FANCB: variants seen among roughly 807,000 people sequenced by gnomAD.
FANCB encodes the protein FA complementation group B, also known as Fanconi anemia group B protein.
FANCB carries 5 observed loss-of-function variants against 38.9 expected under a neutral mutation model. The observed-to-expected ratio is 0.13, with a 90% CI of 0.07 to 0.27. The LOEUF is 0.27. Among genes scored for constraint, FANCB ranks in the 10% least tolerant of loss-of-function variants. The pLI is 1.00. For missense variants in FANCB, 573 were observed against 602.7 expected (o/e 0.95, Z 0.52); for synonymous variants, 236 against 215.4 (o/e 1.10, Z -0.84).
chrX:14,713,808 A>G, the FANCB span, among the ~76,000 whole-genome samples: 1 of 111,350 alleles, frequency 9.0e-6, no homozygotes, highest in South Asian at 3.8e-4. Context: ...TGAGAGGTAA[A>G]GGGGATGTTA....
chrX:14,697,489 T>C, the FANCB span, among the ~76,000 whole-genome samples: 11 of 111,941 alleles, frequency 9.8e-5, no homozygotes, highest in East Asian at 1.7e-3. Flanking sequence ...TAATCACTAC[T>C]ATCCAGGCAT....
chrX:14,831,831 G>A (rs1352559444), downstream of FANCB, among the ~76,000 whole-genome samples: 1 of 111,669 alleles, frequency 9.0e-6, no homozygotes, highest in East Asian at 2.8e-4. Flanking sequence ...GTAAAAACAA[G>A]GAGACAAGTT....
chrX:14,762,413 T>C, the FANCB span, among the ~76,000 whole-genome samples: 1 of 110,887 alleles, frequency 9.0e-6, no homozygotes, highest in African/African-American at 3.3e-5. Context: ...TCCCACAGTG[T>C]TGAGATTACA....
At chrX:14,692,690 C>G in the FANCB span, among the ~76,000 whole-genome samples, 1 of 111,506 alleles carries the variant, frequency 9.0e-6, no homozygotes, top group Non-Finnish European at 1.9e-5. Flanking sequence ...TTAAGAAACA[C>G]TATCCTGGCT....
chrX:14,828,516 A>G, the FANCB span, among the ~76,000 whole-genome samples: 1 of 111,823 alleles, frequency 8.9e-6, no homozygotes, highest in African/African-American at 3.3e-5. Context: ...TTGCTTATCC[A>G]TAAGAAACAA....
At chrX:14,856,789 G>A (rs1346736604) in intron 5 of FANCB, among the ~76,000 whole-genome samples, 4 of 111,577 alleles carry the variant, frequency 3.6e-5, no homozygotes, top group Admixed American at 2.9e-4. Context: ...TTAAAAGGGG[G>A]AAGGGGGAAT....
the FANCB span, among the ~76,000 whole-genome samples, chrX:14,817,783 T>C: frequency 0.058 from 6,421 of 111,508 alleles, 397 homozygotes; most frequent in African/African-American, 0.18. Context: ...TTGTAAAATA[T>C]GTGATTTGCA....
At chrX:14,691,324 T>TGTGTGC in the FANCB span, among the ~76,000 whole-genome samples, 10 of 64,345 alleles carry the variant, frequency 1.6e-4, no homozygotes, top group South Asian at 7.3e-4. Context: ...TGTGTGTGTG[T>TGTGTGC]GCGCGCGTGC....
the FANCB span, among the ~76,000 whole-genome samples, chrX:14,786,882 A>T: frequency 8.9e-6 from 1 of 111,827 alleles, no homozygotes; most frequent in Non-Finnish European, 1.9e-5. Flanking sequence ...CTATAATCCA[A>T]TAATAATATA....
the FANCB span, among the ~76,000 whole-genome samples, chrX:14,792,263 T>A: frequency 6.3e-5 from 7 of 111,500 alleles, no homozygotes; most frequent in African/African-American, 1.6e-4. Context: ...AAGAGATATG[T>A]GCACAAATTA....
At chrX:14,812,740 G>C in the FANCB span, among the ~76,000 whole-genome samples, 2 of 110,021 alleles carry the variant, frequency 1.8e-5, no homozygotes, top group Non-Finnish European at 3.8e-5. Context: ...AGAGGTACAA[G>C]GAGGAACTGG....
Position 14,850,684 on chromosome X carries a change from A to AG in FANCB, c.1327-11_1327-10insC, listed in dbSNP as rs1312589379. 6.3e-6 allele frequency: 7 copies of AG among 1,106,637 alleles called. No individual in the cohort carries two copies. The highest frequency in any genetic ancestry group is 3.8e-5 in the South Asian group (2 of 52,484). The allele number at this position is 1,106,637 out of a possible 1,213,427, so 91.2% of individuals were successfully genotyped here. ...GAACAAGACATTCCTTCTAAAAAAA[A>AG]AAGTTTAAATAACTGATTATAAAAT... On this transcript the variant is annotated splice_polypyrimidine_tract_variant and intron_variant, in intron 6 of 9. Coordinates refer to ENST00000650831, the MANE Select transcript of FANCB (RefSeq NM_001018113.3).
the FANCB span, among the ~76,000 whole-genome samples, chrX:14,727,868 C>T: frequency 9.0e-6 from 1 of 111,482 alleles, no homozygotes; most frequent in African/African-American, 3.3e-5. Flanking sequence ...CTGAAAGTTC[C>T]ATGCAGATAG....
At chrX:14,727,163 T>TA in the FANCB span, among the ~76,000 whole-genome samples, 5 of 111,000 alleles carry the variant, frequency 4.5e-5, no homozygotes, top group East Asian at 2.8e-4. Context: ...ACTGGATCTT[T>TA]AAAAAAAATA....
At chrX:14,833,617 T>C (rs1280814689), downstream of FANCB, among the ~76,000 whole-genome samples, 1 of 110,092 alleles carries the variant, frequency 9.1e-6, no homozygotes, top group Non-Finnish European at 1.9e-5. Context: ...AAGCTGATTG[T>C]ACAGCAGTGG....
the FANCB span, among the ~76,000 whole-genome samples, chrX:14,794,007 G>T: frequency 9.0e-6 from 1 of 111,564 alleles, no homozygotes; most frequent in Non-Finnish European, 1.9e-5. Flanking sequence ...TGCTAAATTT[G>T]CTCTTATTTG....
At chrX:14,819,612 T>C in the FANCB span, among the ~76,000 whole-genome samples, 1 of 111,707 alleles carries the variant, frequency 9.0e-6, no homozygotes, top group East Asian at 2.8e-4. Flanking sequence ...TGTTTGTTTA[T>C]TCTCTATTCT....
the FANCB span, among the ~76,000 whole-genome samples, chrX:14,763,138 T>C: frequency 1.8e-5 from 2 of 111,723 alleles, no homozygotes; most frequent in African/African-American, 6.5e-5. Context: ...CCTCTTTGAT[T>C]ACAAAAATCC....
At chrX:14,841,664 T>G (rs758159539), downstream of FANCB, among the ~76,000 whole-genome samples, 10 of 111,840 alleles carry the variant, frequency 8.9e-5, no homozygotes, top group Non-Finnish European at 1.3e-4. Context: ...CAGAGTGGAT[T>G]TGGGAGGACT....
Sources: gnomAD v4.1 joint callset for allele counts (sites outside exome capture counted in the v4.1 genomes callset) on GRCh38, gnomAD v4.1.1 for gene constraint, MANE v1.5 for transcripts, NCBI Gene and HGNC (gene_info 2026-07-23, HGNC 2026-07-21) for gene names.